The following GAPDHS variants were observed in gnomAD, a reference collection of about 807,000 sequenced individuals.
GAPDHS encodes glyceraldehyde-3-phosphate dehydrogenase, testis-specific.
Under a neutral mutation model 48.7 loss-of-function variants are expected in GAPDHS, and 42 were observed. That is an observed-to-expected ratio of 0.86 (90% CI 0.67 to 1.12). The LOEUF (loss-of-function observed/expected upper bound fraction) is 1.12. Ranked by LOEUF, GAPDHS falls within the 50% of genes most tolerant of loss-of-function variation. The pLI is 0.00. For synonymous variants in GAPDHS, 166 were observed against 219.1 expected (o/e 0.76, Z 2.14); for missense variants, 512 against 557.7 (o/e 0.92, Z 0.82).
At chr19:35,537,891 C>T (rs1445528786) in intron 2 of GAPDHS, among the ~76,000 whole-genome samples, 2 of 152,160 alleles carry the variant, frequency 1.3e-5, no homozygotes, top group African/African-American at 4.8e-5. Flanking sequence ...GCCTGGCCAA[C>T]ATGGCAAAAC....
Position 35,542,401 on chromosome 19 carries a change from G to A in GAPDHS, c.532G>A (p.Ala178Thr). ...CACAGGCGTGTACCTCTCCATACAGGCAGCTTCGGTAAGCTGGGGAGAGGT... is the reference window on the plus strand; with the variant it reads ...CACAGGCGTGTACCTCTCCATACAGACAGCTTCGGTAAGCTGGGGAGAGGT... Reference protein sequence around the residue: ...ESTGVYLSIQAASDHISAGAQ... With the variant: ...ESTGVYLSIQTASDHISAGAQ... Residue 178 changes from alanine to threonine, a missense_variant, in exon 5 of 11, where the codon GCA becomes ACA. Ala to Thr is a moderately conservative substitution (Grantham distance 58). Transcript: ENST00000222286. 5 of 1,611,626 alleles carry A rather than the reference G, an allele frequency of 3.1e-6. No individual in the cohort carries two copies. The highest frequency in any genetic ancestry group is 3.4e-6 in the Non-Finnish European group (4 of 1,177,906).
chr19:35,538,518 A>T lies in GAPDHS; in HGVS notation c.343-59A>T, dbSNP rs150658828. On this transcript the variant is annotated intron_variant, in intron 3 of 10. Transcript: ENST00000222286. ...ATGTGAGACCTTCACCAAAGAGGGG[A>T]CTCTCTAGGGATCCTCACCCTGCCA... 577 of 1,267,804 alleles carry T rather than the reference A, an allele frequency of 4.6e-4. 4 individuals carry two copies. The African/African-American group carries it at 7.3e-3, about 16-fold the overall frequency. The allele number at this position is 1,267,804 out of a possible 1,614,324, so 78.5% of individuals were successfully genotyped here. A position where few individuals can be genotyped will look rare whatever the true frequency, so the allele number is the denominator to read the frequency against.
intron 4 of GAPDHS, chr19:35,541,221 G>C (rs1388298274): frequency 6.6e-6 from 1 of 152,020 alleles, no homozygotes; most frequent in Non-Finnish European, 1.5e-5. Flanking sequence ...CCAGCACTGT[G>C]GGAGGTCAAG....
At chr19:35,538,442 C>T (rs780268039) in intron 3 of GAPDHS, 39 bp downstream of exon 3, 32 of 766,890 alleles carry the variant, frequency 4.2e-5, no homozygotes, top group Middle Eastern at 2.4e-4. Flanking sequence ...CAGGGTGGGA[C>T]TGGGGTGGGA....
At chr19:35,539,088 G>A (rs906435811) in intron 4 of GAPDHS, among the ~76,000 whole-genome samples, 1 of 152,132 alleles carries the variant, frequency 6.6e-6, no homozygotes, top group African/African-American at 2.4e-5. Flanking sequence ...GTAGAGATGA[G>A]GTCTTGCCAT....
intron 9 of GAPDHS, chr19:35,544,087 TTC>T (rs1252864768): frequency 1.8e-5 from 8 of 454,726 alleles, no homozygotes; most frequent in Non-Finnish European, 2.2e-5. Flanking sequence ...TCAAAATATG[TTC>T]TTTTTGTGGC....
intron 2 of GAPDHS, among the ~76,000 whole-genome samples, chr19:35,537,897 A>G (rs550344353): frequency 2.6e-5 from 4 of 152,258 alleles, no homozygotes; most frequent in East Asian, 3.9e-4. Flanking sequence ...CCAACATGGC[A>G]AAACCCCGTC....
chr19:35,541,706 T>C (rs1430121420), intron 4 of GAPDHS: 1 of 150,512 alleles, frequency 6.6e-6, no homozygotes, highest in Non-Finnish European at 1.5e-5. Context: ...AAATACCAAG[T>C]AAAAACATAA....
intron 2 of GAPDHS, among the ~76,000 whole-genome samples, chr19:35,537,833 G>A (rs1468046128): frequency 6.6e-6 from 1 of 152,222 alleles, no homozygotes; most frequent in Non-Finnish European, 1.5e-5. Flanking sequence ...CCAGCACTTT[G>A]GGAGGCCAAG....
At chr19:35,544,552 T>C in intron 9 of GAPDHS, 2 of 295,660 alleles carry the variant, frequency 6.8e-6, no homozygotes, top group Non-Finnish European at 1.3e-5. Flanking sequence ...GACACTGTGC[T>C]GAGGGCCCCA....
rs1411538525 is a variant in GAPDHS, at chr19:35,545,151, T to C, written c.1208T>C (p.Met403Thr). Residue 403 changes from methionine to threonine, a missense_variant, in exon 11 of 11, where the codon ATG (methionine) becomes ACG (threonine). Physicochemically the swap from Met to Thr is moderately conservative, Grantham distance 81 (BLOSUM62 -1). Coordinates refer to ENST00000222286, the MANE Select transcript of GAPDHS (RefSeq NM_014364.5). The stretch of plus-strand genomic sequence containing the variant: ...CGGGTGGTCGACCTCCTCCGCTACA[T>C]GTTCAGCCGAGACAAGTGAAACGGG... ...SHRVVDLLRY[M>T]FSRDK 2.5e-6 allele frequency: 4 copies of C among 1,613,698 alleles called. No homozygotes were observed. The highest frequency in any genetic ancestry group is 3.4e-6 in the Non-Finnish European group (4 of 1,179,712).
In GAPDHS at chr19:35,545,127, G is replaced by A; in HGVS notation, c.1184G>A (p.Arg395Gln). Residue 395 changes from arginine (R) to glutamine (Q), a missense_variant, in exon 11 of 11, where the codon CGG becomes CAG. Arg to Gln is a conservative substitution (Grantham distance 43). Coordinates refer to ENST00000222286, the MANE Select transcript of GAPDHS (RefSeq NM_014364.5). ...GACAACGAATATGGCTACAGTCACC[G>A]GGTGGTCGACCTCCTCCGCTACATG... ...WYDNEYGYSH[R>Q]VVDLLRYMFS... 1.2e-6 allele frequency: 2 copies of A among 1,614,062 alleles called. No homozygotes were observed. Among genetic ancestry groups the A allele is most frequent in the Non-Finnish European group, 1.7e-6 (2 of 1,179,960 alleles).
chr19:35,542,237 C>T, intron 4 of GAPDHS, 82 bp from the exon 5 acceptor site: 1 of 952,944 alleles, frequency 1.0e-6, no homozygotes, highest in Non-Finnish European at 1.7e-6. Flanking sequence ...ACCTGCTCAG[C>T]CTGTCAAATG....
At chr19:35,538,078 A>AAT (rs59068277) in intron 2 of GAPDHS, among the ~76,000 whole-genome samples, 2,113 of 149,988 alleles carry the variant, frequency 0.014, 17 homozygotes, top group African/African-American at 0.021. Context: ...TCCATCTCAA[A>AAT]ATATATATAT....
intron 4 of GAPDHS, among the ~76,000 whole-genome samples, chr19:35,540,026 C>T (rs1266464392): frequency 6.6e-6 from 1 of 152,222 alleles, no homozygotes; most frequent in Admixed American, 6.5e-5. Context: ...GGCTGTGTGC[C>T]TGCACTCTGC....
Position 35,542,316 on chromosome 19 carries a change from C to G in GAPDHS, c.450-3C>G. The G allele has an allele frequency of 6.2e-7, 1 of 1,607,046 alleles. No individual in the cohort carries two copies. Among genetic ancestry groups the G allele is most frequent in the African/African-American group, 1.3e-5 (1 of 74,838 alleles). ...CTGACTCAGCCCTGCCACTTCCCCA[C>G]AGCAAAGAGCCCAAACAGATCCCCT... is the stretch of plus-strand genomic sequence containing the variant. On this transcript the variant is annotated splice_polypyrimidine_tract_variant and splice_region_variant and intron_variant, in intron 4 of 10. Transcript: ENST00000222286.
rs770070888 is a variant in GAPDHS, at chr19:35,544,890, T to C, written c.1057-19T>C. 6 of 1,538,458 alleles carry C rather than the reference T, an allele frequency of 3.9e-6. No homozygotes were observed. The East Asian group carries it at 6.7e-5, about 17-fold the overall frequency. On this transcript the variant is annotated intron_variant, in intron 9 of 10. Transcript: ENST00000222286. ...CTTGCTCTGCCGGACACACTTATCT[T>C]TGAAATTCTGACTTCCAGGTCGTCT...
intron 2 of GAPDHS, among the ~76,000 whole-genome samples, 156 bp downstream of exon 2, chr19:35,537,146 C>T (rs752622186): frequency 6.6e-6 from 1 of 152,230 alleles, no homozygotes; most frequent in Non-Finnish European, 1.5e-5. Context: ...GGGCCCCATG[C>T]TCAGCAGCAT....
chr19:35,539,368 C>T (rs2071486684), intron 4 of GAPDHS, among the ~76,000 whole-genome samples: 1 of 152,200 alleles, frequency 6.6e-6, no homozygotes, highest in Non-Finnish European at 1.5e-5. Flanking sequence ...TCCGAACATC[C>T]GTTCCCATCA....
Sources: allele counts gnomAD v4.1 joint callset (sites outside exome capture counted in the v4.1 genomes callset), GRCh38; gene constraint gnomAD v4.1.1; transcripts MANE v1.5; gene names NCBI Gene and HGNC (gene_info 2026-07-23, HGNC 2026-07-21).